The following CD48 variants were observed in gnomAD, a reference collection of about 807,000 sequenced individuals.
CD48 encodes the protein CD48 antigen.
CD48 carries 20 observed loss-of-function variants against 22.0 expected under a neutral mutation model. That is an observed-to-expected ratio of 0.91 (90% CI 0.64 to 1.32). CD48 has a LOEUF of 1.32. Ranked by LOEUF, CD48 falls within the 40% of genes most tolerant of loss-of-function variation. CD48 has a pLI of 0.00. For missense variants in CD48, 307 were observed against 286.5 expected, an observed-to-expected ratio of 1.07 and a Z score of -0.52; for synonymous variants, 110 against 110.1, an observed-to-expected ratio of 1.00 and a Z score of 0.01.
intron 3 of CD48, chr1:160,680,628 C>A: frequency 7.9e-6 from 8 of 1,008,538 alleles, no homozygotes; most frequent in Middle Eastern, 5.1e-4. Context: ...TCCCAGGAGA[C>A]AGGGGAATCT....
chr1:160,691,243 G>A (rs1163242519), intron 1 of CD48, among the ~76,000 whole-genome samples: 1 of 152,128 alleles, frequency 6.6e-6, no homozygotes, highest in Non-Finnish European at 1.5e-5. Context: ...TAAGAGGAAA[G>A]CATGTCTCTT....
At position 160,687,034 on chromosome 1, in the gene CD48, C is replaced by T. The variant is rs537687880; in HGVS notation, c.83-1845G>A. Among the ~76,000 whole-genome samples the T allele has an allele frequency of 2.6e-5, 4 of 152,226 alleles. No homozygotes were observed. In the East Asian group the frequency reaches 5.8e-4, roughly 22 times the overall value. On this transcript the variant is annotated intron_variant, in intron 1 of 3. Transcript: ENST00000368046. ...CTATGGGAGACTGGAGTCTATTTCA[C>T]CTCTGCAGTTTCGACCATAAGAGAC...
At chr1:160,697,719 T>A (rs1662482783) in intron 1 of CD48, among the ~76,000 whole-genome samples, 1 of 152,114 alleles carries the variant, frequency 6.6e-6, no homozygotes, top group Admixed American at 6.5e-5. Flanking sequence ...GAAGTTTTAG[T>A]TTGGGAAGAA....
rs1312372603 is a variant in CD48, at chr1:160,711,778, C to A, written c.-15G>T. 5.6e-6 allele frequency: 9 copies of A among 1,606,852 alleles called. No homozygotes were observed. The highest frequency in any genetic ancestry group is 7.7e-6 in the Non-Finnish European group (9 of 1,173,956). On this transcript the variant is annotated 5_prime_UTR_variant, in exon 1 of 4. Coordinates refer to ENST00000368046, the MANE Select transcript of CD48 (RefSeq NM_001778.4). ...CTGGAGCACATGCTTCCTTCCAGAA[C>A]TTCCCAGCAACGCAGGAGACAGTTG...
intron 2 of CD48, among the ~76,000 whole-genome samples, chr1:160,681,819 C>T (rs1265078500): frequency 2.0e-5 from 3 of 152,166 alleles, no homozygotes; most frequent in African/African-American, 7.2e-5. Flanking sequence ...GCCTGAGATG[C>T]TCAGGGACCC....
chr1:160,681,720 T>C (rs528356451), intron 2 of CD48, among the ~76,000 whole-genome samples: 1 of 152,292 alleles, frequency 6.6e-6, no homozygotes, highest in South Asian at 2.1e-4. Flanking sequence ...GTCCATCATA[T>C]GCTCTGGGAA....
intron 1 of CD48, among the ~76,000 whole-genome samples, chr1:160,695,006 T>A (rs1291740946): frequency 6.6e-6 from 1 of 152,208 alleles, no homozygotes; most frequent in East Asian, 1.9e-4. Context: ...AATGCCGTAA[T>A]TCAACCCATG....
chr1:160,699,604 C>T (rs1662556085), intron 1 of CD48: 1 of 152,240 alleles, frequency 6.6e-6, no homozygotes. Context: ...AACATTCCAT[C>T]TACTGAGATA....
chr1:160,692,010 A>G (rs190670119), intron 1 of CD48: 88 of 193,654 alleles, frequency 4.5e-4, no homozygotes, highest in African/African-American at 1.9e-3. Flanking sequence ...AGCTATTTCA[A>G]ACAACAGAAC....
intron 1 of CD48, among the ~76,000 whole-genome samples, chr1:160,701,370 G>A (rs1203311997): frequency 6.6e-6 from 1 of 151,882 alleles, no homozygotes; most frequent in Non-Finnish European, 1.5e-5. Context: ...ACATATCCAA[G>A]TTGCAACTGC....
intron 1 of CD48, among the ~76,000 whole-genome samples, chr1:160,694,221 T>C (rs1662328716): frequency 6.6e-6 from 1 of 152,140 alleles, no homozygotes; most frequent in African/African-American, 2.4e-5. Flanking sequence ...TATATTAAGG[T>C]TGGAAATAGT....
intron 1 of CD48, among the ~76,000 whole-genome samples, chr1:160,691,067 A>G (rs1021415392): frequency 2.6e-5 from 4 of 152,180 alleles, no homozygotes; most frequent in Admixed American, 2.6e-4. Flanking sequence ...GTACCCAGGG[A>G]CACAAAAACT....
At chr1:160,702,563 G>A (rs149802739) in intron 1 of CD48, among the ~76,000 whole-genome samples, 3,992 of 152,194 alleles carry the variant, frequency 0.026, 164 homozygotes, top group African/African-American at 0.09. Flanking sequence ...TTGCGACAAC[G>A]TGGGCAAACA....
At chr1:160,691,550 C>T (rs1662218923) in intron 1 of CD48, 1 of 165,132 alleles carries the variant, frequency 6.1e-6, no homozygotes, top group Non-Finnish European at 1.3e-5. Context: ...GACACATCTC[C>T]CTCTCGGAGA....
chr1:160,689,055 C>T (rs1662099257), intron 1 of CD48, among the ~76,000 whole-genome samples: 1 of 152,060 alleles, frequency 6.6e-6, no homozygotes, highest in Non-Finnish European at 1.5e-5. Context: ...GGGGTATCTC[C>T]CATTACTTCT....
chr1:160,681,131 C>A, intron 3 of CD48, 71 bp downstream of exon 3: 1 of 1,611,180 alleles, frequency 6.2e-7, no homozygotes, highest in Non-Finnish European at 8.5e-7. Flanking sequence ...GAATAGGACC[C>A]CCAGCCTTTC....
chr1:160,689,104 G>T (rs1293350321), intron 1 of CD48, among the ~76,000 whole-genome samples: 1 of 152,130 alleles, frequency 6.6e-6, no homozygotes, highest in Non-Finnish European at 1.5e-5. Context: ...AGAGGCCAGA[G>T]ACTAAATGTC....
At chr1:160,690,241 A>G (rs1386126603) in intron 1 of CD48, among the ~76,000 whole-genome samples, 1 of 152,194 alleles carries the variant, frequency 6.6e-6, no homozygotes, top group South Asian at 2.1e-4. Context: ...GCAAAGCAAG[A>G]ATACAGATGT....
rs189862691 is a variant in CD48, at chr1:160,688,657, G to A, written c.83-3468C>T. On this transcript the variant is annotated intron_variant, in intron 1 of 3. Coordinates refer to ENST00000368046, the MANE Select transcript of CD48 (RefSeq NM_001778.4). ...AAAATAGTTTTCCCTTCCCATACTC[G>A]CAGTCCAGACATGGCAATAGCCAAT... Among the ~76,000 whole-genome samples the A allele has an allele frequency of 2.0e-5, 3 of 152,212 alleles. 1 individual carries two copies. The highest frequency in any genetic ancestry group is 2.0e-4 in the Admixed American group (3 of 15,268).
Sources: gnomAD v4.1 joint callset for allele counts (sites outside exome capture counted in the v4.1 genomes callset) on GRCh38, gnomAD v4.1.1 for gene constraint, MANE v1.5 for transcripts, NCBI Gene and HGNC (gene_info 2026-07-23, HGNC 2026-07-21) for gene names.